Variants in PTPRS observed in about 807,000 individuals in gnomAD.
PTPRS encodes receptor-type tyrosine-protein phosphatase S.
A neutral mutation model predicts 215.3 loss-of-function variants in PTPRS; 63 were observed. The ratio of observed to expected loss-of-function variants is 0.29; its 90% CI spans 0.24 to 0.36. The LOEUF is 0.36. Ranked by LOEUF, PTPRS falls within the 10% of genes least tolerant of loss-of-function variation. The probability of loss-of-function intolerance (pLI) is 1.00; values close to 1 mark genes in which losing one functional copy is unlikely to be tolerated. For synonymous variants in PTPRS, 1,404 were observed against 1,191.4 expected (o/e 1.18, Z -3.68); for missense variants, 2,258 against 2,825.8 (o/e 0.80, Z 4.56).
intron 1 of PTPRS, among the ~76,000 whole-genome samples, chr19:5,299,146 C>G (rs2049228630): frequency 6.6e-6 from 1 of 152,194 alleles, no homozygotes; most frequent in Non-Finnish European, 1.5e-5. Context: ...GCACCTGAGT[C>G]AGGTCCCGTC....
rs150713717 is a variant in PTPRS, at chr19:5,211,992, G to A, written c.5028C>T (p.His1676=). 9.9e-5 allele frequency: 159 copies of A among 1,610,974 alleles called. No homozygotes were observed. Among genetic ancestry groups the A allele is most frequent in the Middle Eastern group, 1.7e-4 (1 of 5,936 alleles). The change falls in exon 32 of 38, where the codon CAC becomes CAT. Residue 1676 remains histidine, a synonymous_variant. Coordinates refer to ENST00000262963, the MANE Select transcript of PTPRS (RefSeq NM_002850.4). The stretch of plus-strand genomic sequence containing the variant: ...TGAACTCGAGTTCCATGCCAGTGAC[G>A]TGTTCGCCAGGCTCCACCTGGGCCA... The part of the protein sequence containing the change: ...QKLAQVEPGE[H]VTGMELEFKR...
rs989922049 is a variant in PTPRS, at chr19:5,222,633, T to C, written c.3103+56A>G. 39 of 468,898 alleles carry C rather than the reference T, an allele frequency of 8.3e-5. No homozygotes were observed. The African/African-American group carries it at 2.5e-3, about 30-fold the overall frequency. The allele number at this position is 468,898 out of a possible 1,614,324, so 29.0% of individuals were successfully genotyped here. On this transcript the variant is annotated intron_variant, in intron 18 of 37. Transcript: ENST00000262963. Reference sequence around the variant, plus strand: ...GCAGGGGAGAGGGAGGGGGCTGGGGTGGGGGTGGGCGCAAGGCCCGGTCCG... The same window carrying C: ...GCAGGGGAGAGGGAGGGGGCTGGGGCGGGGGTGGGCGCAAGGCCCGGTCCG...
intron 1 of PTPRS, among the ~76,000 whole-genome samples, chr19:5,335,367 G>C (rs577291502): frequency 6.6e-6 from 1 of 152,202 alleles, no homozygotes; most frequent in South Asian, 2.1e-4. Context: ...CAGGCAACCC[G>C]CCCTAGTTTG....
In PTPRS at chr19:5,293,309, GGGGCGGGGTTGCAGT is replaced by G. The variant is rs1224452097; in HGVS notation, c.-94-7090_-94-7076del. 6.6e-6 allele frequency: 1 copy of G among 151,188 alleles called. No homozygotes were observed. Among genetic ancestry groups the G allele is most frequent in the Non-Finnish European group, 1.5e-5 (1 of 67,598 alleles). 9.4% of individuals were successfully genotyped at this position (151,188 alleles called of 1,614,324 possible). On this transcript the variant is annotated intron_variant, in intron 1 of 37. Coordinates refer to ENST00000262963, the MANE Select transcript of PTPRS (RefSeq NM_002850.4). This position sits in a 1 kb window ranked among gnomAD's most constrained non-coding sequence, Gnocchi z 8.4. ...GGCGGGGCAAGGGGCGGGGCTGTAGGGGGCGGGGTTGCAGTGGGCGGGGCTGCAGGGGACGGGCCC... is the reference window on the plus strand; with the variant it reads ...GGCGGGGCAAGGGGCGGGGCTGTAGGGGGCGGGGCTGCAGGGGACGGGCCC...
chr19:5,234,014 T>C (rs745454332), intron 13 of PTPRS, among the ~76,000 whole-genome samples: 2 of 102,466 alleles, frequency 2.0e-5, no homozygotes, highest in African/African-American at 7.3e-5. Context: ...GCAACAGCAA[T>C]AGAAGCCCCA....
At chr19:5,242,893 T>A (rs1324073409) in intron 11 of PTPRS, among the ~76,000 whole-genome samples, 1 of 151,816 alleles carries the variant, frequency 6.6e-6, no homozygotes, top group African/African-American at 2.4e-5. Flanking sequence ...AGAGATGGGG[T>A]CTAGCTACAT....
chr19:5,217,151 A>G (rs575162256), intron 25 of PTPRS, among the ~76,000 whole-genome samples: 5 of 152,356 alleles, frequency 3.3e-5, no homozygotes, highest in African/African-American at 1.2e-4. Flanking sequence ...GAAAGGACAT[A>G]TGGGCCCATG....
Position 5,257,731 on chromosome 19 carries a change from C to T in PTPRS, c.706+286G>A, listed in dbSNP as rs1229462894. Among the ~76,000 whole-genome samples, 1 of 152,194 alleles carries T rather than the reference C, an allele frequency of 6.6e-6. No homozygotes were observed. Among genetic ancestry groups the T allele is most frequent in the African/African-American group, 2.4e-5 (1 of 41,458 alleles). On this transcript the variant is annotated intron_variant, in intron 8 of 37. Transcript: ENST00000262963. This position sits in a 1 kb window ranked among gnomAD's most constrained non-coding sequence, Gnocchi z 4.4. ...CCCAAGACTGACCCCCTCACCCTGC[C>T]CCACGCCTTCCTACCCCACCATCAC...
intron 1 of PTPRS, among the ~76,000 whole-genome samples, chr19:5,336,376 G>C (rs1202252784): frequency 6.6e-6 from 1 of 151,830 alleles, no homozygotes; most frequent in African/African-American, 2.4e-5. Context: ...CTCTGCGTGA[G>C]ACAACAGCCA....
intron 3 of PTPRS, 59 bp from the exon 4 acceptor site, chr19:5,273,642 T>TCTAGGCTGGG (rs1454060355): frequency 3.7e-6 from 6 of 1,601,624 alleles, no homozygotes; most frequent in South Asian, 1.1e-5. Context: ...AAGGTTCCTG[T>TCTAGGCTGGG]CTAGGCTGGG....
At chr19:5,255,610 GGAAAAAA>G (rs1271085498) in intron 9 of PTPRS, among the ~76,000 whole-genome samples, 2 of 151,476 alleles carry the variant, frequency 1.3e-5, no homozygotes, top group South Asian at 2.1e-4. Flanking sequence ...AAAAGAAAAA[GGAAAAAA>G]GAAAACCAAA....
At chr19:5,234,411 T>C (rs900497902) in intron 13 of PTPRS, among the ~76,000 whole-genome samples, 5 of 152,360 alleles carry the variant, frequency 3.3e-5, no homozygotes, top group Non-Finnish European at 5.9e-5. Context: ...ATAGCTCATA[T>C]TGAGCACCTA....
chr19:5,211,818 G>A lies in PTPRS; in HGVS notation c.5056-50C>T, dbSNP rs113708627. 12,318 of 1,597,128 alleles carry A rather than the reference G, an allele frequency of 7.7e-3. 873 individuals are homozygous for A. The African/African-American group carries it at 0.15, about 19-fold the overall frequency. ...CCACCATCAGGATGAGGAAGGCTAT[G>A]CTTTCAGCTGGAGCACCAATGGTGG... On this transcript the variant is annotated intron_variant, in intron 32 of 37. Coordinates refer to ENST00000262963, the MANE Select transcript of PTPRS (RefSeq NM_002850.4).
chr19:5,263,440 C>T (rs1038872568), intron 5 of PTPRS, among the ~76,000 whole-genome samples: 6 of 151,426 alleles, frequency 4.0e-5, no homozygotes, highest in East Asian at 1.9e-4. Flanking sequence ...TGGGGGGCAA[C>T]GATGGGCAGT....
chr19:5,255,487 C>T (rs1321308063), intron 9 of PTPRS, among the ~76,000 whole-genome samples: 6 of 150,468 alleles, frequency 4.0e-5, no homozygotes, highest in Non-Finnish European at 7.4e-5. Flanking sequence ...AAAGACGAGT[C>T]GCTTTGGGGG....
At position 5,266,888 on chromosome 19, in the gene PTPRS, C is replaced by T. The variant is rs376897104; in HGVS notation, c.380-1692G>A. Among the ~76,000 whole-genome samples the T allele has an allele frequency of 1.7e-3, 252 of 152,258 alleles. 1 individual carries two copies. The highest frequency in any genetic ancestry group is 5.6e-3 in the African/African-American group (231 of 41,556). On this transcript the variant is annotated intron_variant, in intron 4 of 37. Transcript: ENST00000262963. ...CCTCAGCCTGGAATCCCCGTTCCCA[C>T]ATCTGTCTACTGATCGGAACACCAC...
At chr19:5,270,156 G>GC (rs1485468499) in intron 4 of PTPRS, among the ~76,000 whole-genome samples, 2 of 152,106 alleles carry the variant, frequency 1.3e-5, no homozygotes, top group Admixed American at 6.6e-5. Context: ...GCCTGACTCC[G>GC]CCCCCGCTCC....
intron 7 of PTPRS, among the ~76,000 whole-genome samples, chr19:5,259,014 T>C (rs990737993): frequency 1.3e-5 from 2 of 152,218 alleles, no homozygotes; most frequent in Non-Finnish European, 2.9e-5. Flanking sequence ...TCTATGATGC[T>C]CATAGGTACC....
intron 1 of PTPRS, among the ~76,000 whole-genome samples, chr19:5,288,190 C>T (rs1003292109): frequency 4.6e-5 from 7 of 152,150 alleles, no homozygotes; most frequent in Non-Finnish European, 1.0e-4. Context: ...GAGATACCTA[C>T]AGGTGCACAA....
Sources: allele counts gnomAD v4.1 joint callset (sites outside exome capture counted in the v4.1 genomes callset), GRCh38; gene constraint gnomAD v4.1.1; non-coding constraint Gnocchi (gnomAD v3.1); transcripts MANE v1.5; gene names NCBI Gene and HGNC (gene_info 2026-07-23, HGNC 2026-07-21).